ZNF496: variants seen among roughly 807,000 people sequenced by gnomAD.
The protein encoded by ZNF496 is zinc finger protein 496.
ZNF496 carries 11 observed loss-of-function variants against 58.9 expected under a neutral mutation model. The observed-to-expected ratio is 0.19, with a 90% CI of 0.12 to 0.31. The LOEUF (loss-of-function observed/expected upper bound fraction) is 0.31, where lower values mean the gene tolerates loss of function less well. Among genes scored for constraint, ZNF496 ranks in the 10% least tolerant of loss-of-function variants. ZNF496 has a pLI of 1.00. For synonymous variants in ZNF496, 338 were observed against 318.2 expected, an observed-to-expected ratio of 1.06 and a Z score of -0.66; for missense variants, 660 against 783.0, an observed-to-expected ratio of 0.84 and a Z score of 1.88.
At chr1:247,310,572 G>T in intron 6 of ZNF496, 116 bp from the exon 7 acceptor site, 1 of 1,377,802 alleles carries the variant, frequency 7.3e-7, no homozygotes, top group Non-Finnish European at 9.9e-7. Context: ...CTATACAACA[G>T]AAATCTGTTC....
chr1:247,302,458 A>C (rs1293090629), intron 9 of ZNF496, among the ~76,000 whole-genome samples: 3 of 131,766 alleles, frequency 2.3e-5, no homozygotes, highest in African/African-American at 8.2e-5. Context: ...TCATCAGATG[A>C]AGACAGAGAT....
At position 247,300,426 on chromosome 1, in the gene ZNF496, C is replaced by G. The variant is rs1659199508; in HGVS notation, c.*93G>C. 7.1e-7 allele frequency: 1 copy of G among 1,400,434 alleles called. No individual in the cohort carries two copies. The highest frequency in any genetic ancestry group is 2.4e-5 in the East Asian group (1 of 42,540). The allele number at this position is 1,400,434 out of a possible 1,614,324, so 86.8% of individuals were successfully genotyped here. ...GACAGGAGGGAGGTGTGCTCTCTAT[C>G]CTGGGGAAGGTATGTCCTGGGTGGG... On this transcript the variant is annotated 3_prime_UTR_variant, in exon 10 of 10. Transcript: ENST00000682384. The surrounding 1 kb of genome is among the most constrained non-coding windows in gnomAD (Gnocchi z 5.7).
At chr1:247,303,976 C>G (rs945942717) in intron 9 of ZNF496, 11 of 310,926 alleles carry the variant, frequency 3.5e-5, no homozygotes, top group Non-Finnish European at 6.5e-5. Flanking sequence ...ACACCCTCGT[C>G]TGACGGCCTG....
At position 247,300,676 on chromosome 1, in the gene ZNF496, T is replaced by G. The variant is rs1572066763; in HGVS notation, c.1607A>C (p.His536Pro). Residue 536 changes from histidine to proline, a missense_variant, in exon 10 of 10, where the codon CAC (histidine) becomes CCC (proline). Transcript: ENST00000682384. The surrounding 1 kb of genome is among the most constrained non-coding windows in gnomAD (Gnocchi z 5.7). ...AAAGTGGCTGCGGTGCCGAGCCAGG[T>G]GGTCGTGCCGCTGGAAGGCCTTCCC... is the stretch of plus-strand genomic sequence containing the variant. Reference protein sequence around the residue: ...ECGKAFQRHDHLARHRSHFHL... With the variant: ...ECGKAFQRHDPLARHRSHFHL... 7.4e-6 allele frequency: 12 copies of G among 1,613,856 alleles called. No individual in the cohort carries two copies. The highest frequency in any genetic ancestry group is 1.0e-5 in the Non-Finnish European group (12 of 1,180,038).
intron 6 of ZNF496, among the ~76,000 whole-genome samples, chr1:247,320,733 G>A (rs1659936636): frequency 1.3e-5 from 2 of 152,104 alleles, no homozygotes; most frequent in Admixed American, 1.3e-4. Flanking sequence ...CATTTAAAAA[G>A]AAAAACAAAA....
chr1:247,300,428 T>C lies in ZNF496; in HGVS notation c.*91A>G. 1 of 1,406,612 alleles carries C rather than the reference T, an allele frequency of 7.1e-7. No homozygotes were observed. Among genetic ancestry groups the C allele is most frequent in the South Asian group, 1.4e-5 (1 of 69,806 alleles). The allele number at this position is 1,406,612 out of a possible 1,614,324, so 87.1% of individuals were successfully genotyped here. On this transcript the variant is annotated 3_prime_UTR_variant, in exon 10 of 10. Coordinates refer to ENST00000682384, the MANE Select transcript of ZNF496 (RefSeq NM_032752.3). The surrounding 1 kb of genome is among the most constrained non-coding windows in gnomAD (Gnocchi z 5.7). ...CAGGAGGGAGGTGTGCTCTCTATCC[T>C]GGGGAAGGTATGTCCTGGGTGGGGG...
At position 247,300,635 on chromosome 1, in the gene ZNF496, C is replaced by T; in HGVS notation, c.1648G>A (p.Ala550Thr). 6.2e-7 allele frequency: 1 copy of T among 1,614,146 alleles called. No homozygotes were observed. Among genetic ancestry groups the T allele is most frequent in the African/African-American group, 1.3e-5 (1 of 75,070 alleles). Residue 550 changes from alanine to threonine, a missense_variant, in exon 10 of 10, where the codon GCC becomes ACC. By Grantham distance (58) the Ala-to-Thr change is moderately conservative. Transcript: ENST00000682384. The surrounding 1 kb of genome is among the most constrained non-coding windows in gnomAD (Gnocchi z 5.7). ...CAGTACCGGCACTGGAAGGGCCGGG[C>T]TTTGTCCTTCAGGTGAAAGTGGCTG... Reference protein sequence around the residue: ...HRSHFHLKDKARPFQCRYCVK... With the variant: ...HRSHFHLKDKTRPFQCRYCVK...
rs1659132778 is a variant in ZNF496, at chr1:247,297,961, GTTC to G, written c.*2555_*2557del. 6.6e-6 allele frequency: 1 copy of G among 152,236 alleles called. No individual in the cohort carries two copies. The highest frequency in any genetic ancestry group is 6.5e-5 in the Admixed American group (1 of 15,284). 9.4% of individuals were successfully genotyped at this position (152,236 alleles called of 1,614,324 possible). On this transcript the variant is annotated 3_prime_UTR_variant, in exon 10 of 10. Transcript: ENST00000682384. ...AAAACACTCTGGTAAGTAGAACAGT[GTTC>G]TTCTCTTGAGTCAGACGTCTGAAGC...
intron 9 of ZNF496, among the ~76,000 whole-genome samples, chr1:247,303,617 T>C (rs766244611): frequency 2.6e-5 from 4 of 152,228 alleles, no homozygotes; most frequent in Non-Finnish European, 4.4e-5. Context: ...TCAACTGTTC[T>C]GTGGAAACAG....
intron 9 of ZNF496, among the ~76,000 whole-genome samples, chr1:247,306,301 T>C (rs1024122966): frequency 8.6e-5 from 13 of 152,006 alleles, no homozygotes; most frequent in African/African-American, 2.4e-4. Context: ...GTTCAAGCAA[T>C]TCTCTCTGCC....
Position 247,308,055 on chromosome 1 carries a change from C to T in ZNF496, c.1006+420G>A. 1.0e-6 allele frequency: 1 copy of T among 973,128 alleles called. No individual in the cohort carries two copies. The highest frequency in any genetic ancestry group is 1.2e-6 in the Non-Finnish European group (1 of 818,702). The allele number at this position is 973,128 out of a possible 1,614,324, so 60.3% of individuals were successfully genotyped here. A position where few individuals can be genotyped will look rare whatever the true frequency, so the allele number is the denominator to read the frequency against. ...GAGAGAAGAAAAACACTCACTGCAT[C>T]ACCAACAGCACTACAGCAGCACCCT... On this transcript the variant is annotated intron_variant, in intron 9 of 9. Transcript: ENST00000682384. This position sits in a 1 kb window ranked among gnomAD's most constrained non-coding sequence, Gnocchi z 4.5.
chr1:247,320,111 C>G (rs1181228601), intron 6 of ZNF496, among the ~76,000 whole-genome samples: 3 of 152,122 alleles, frequency 2.0e-5, no homozygotes, highest in Non-Finnish European at 4.4e-5. Flanking sequence ...TTTGTACTTA[C>G]CAACGATTGC....
chr1:247,327,730 T>C (rs1660181288), intron 5 of ZNF496, among the ~76,000 whole-genome samples: 1 of 150,398 alleles, frequency 6.6e-6, no homozygotes. Context: ...CATAAGAAAG[T>C]CTCCCCTGGC....
intron 6 of ZNF496, 142 bp from the exon 7 acceptor site, chr1:247,310,598 G>T: frequency 8.9e-7 from 1 of 1,119,056 alleles, no homozygotes; most frequent in Non-Finnish European, 1.2e-6. Context: ...AGTTCTGGAG[G>T]CTGGACGTCC....
chr1:247,318,018 G>A (rs954862065), intron 6 of ZNF496, among the ~76,000 whole-genome samples: 1 of 152,188 alleles, frequency 6.6e-6, no homozygotes, highest in East Asian at 1.9e-4. Flanking sequence ...GACACAGAAA[G>A]TCTCAGCAAA....
At chr1:247,321,030 G>C (rs1344118969) in intron 6 of ZNF496, among the ~76,000 whole-genome samples, 1 of 152,128 alleles carries the variant, frequency 6.6e-6, no homozygotes, top group Non-Finnish European at 1.5e-5. Flanking sequence ...ACAAAAATTA[G>C]CCAAGCGTGG....
Position 247,308,617 on chromosome 1 carries a change from ATT to A in ZNF496, c.893-31_893-30del, listed in dbSNP as rs1558438328. ...TCCAGAGGAGGAAATGGAAAAATTG[ATT>A]TGTTTTGCACCTACAGCACTACCTG... On this transcript the variant is annotated intron_variant, in intron 8 of 9. Coordinates refer to ENST00000682384, the MANE Select transcript of ZNF496 (RefSeq NM_032752.3). The surrounding 1 kb of genome is among the most constrained non-coding windows in gnomAD (Gnocchi z 4.5). 1 of 1,604,284 alleles carries A rather than the reference ATT, an allele frequency of 6.2e-7. No individual in the cohort carries two copies. Among genetic ancestry groups the A allele is most frequent in the Non-Finnish European group, 8.5e-7 (1 of 1,171,322 alleles).
intron 5 of ZNF496, among the ~76,000 whole-genome samples, chr1:247,327,359 C>T (rs1572095432): frequency 6.6e-6 from 1 of 152,318 alleles, no homozygotes; most frequent in South Asian, 2.1e-4. Flanking sequence ...CCACCGCGCC[C>T]AACCCCTAGC....
In ZNF496 at chr1:247,317,314, C is replaced by T. The variant is rs577850018; in HGVS notation, c.651+5840G>A. On this transcript the variant is annotated intron_variant, in intron 6 of 9. Coordinates refer to ENST00000682384, the MANE Select transcript of ZNF496 (RefSeq NM_032752.3). ...ACCAAGAAATACCCATGGGCACAGA[C>T]CAAAAAAAGCTCCAACAAAAGCCAC... 1.2e-4 allele frequency among the ~76,000 whole-genome samples: 19 copies of T among 152,190 alleles called. 1 individual carries two copies. The South Asian group carries it at 1.9e-3, about 15-fold the overall frequency.
Sources: gnomAD v4.1 joint callset for allele counts (sites outside exome capture counted in the v4.1 genomes callset) on GRCh38, gnomAD v4.1.1 for gene constraint, Gnocchi (gnomAD v3.1) non-coding constraint, MANE v1.5 for transcripts, NCBI Gene and HGNC (gene_info 2026-07-23, HGNC 2026-07-21) for gene names.